Variants in ZNF613 observed in about 807,000 individuals in gnomAD.
ZNF613 encodes zinc finger protein 613.
Under a neutral mutation model 14.3 loss-of-function variants are expected in ZNF613, and 8 were observed. The ratio of observed to expected loss-of-function variants is 0.56; its 90% CI spans 0.33 to 1.01. The LOEUF is 1.01. ZNF613 is among the 50% of genes least tolerant of loss of function. The pLI is 0.03. For missense variants in ZNF613, 656 were observed against 741.9 expected, an observed-to-expected ratio of 0.88 and a Z score of 1.35; for synonymous variants, 228 against 254.5, an observed-to-expected ratio of 0.90 and a Z score of 0.99.
chr19:51,940,778 C>A, intron 5 of ZNF613, 69 bp downstream of exon 5: 2 of 1,350,306 alleles, frequency 1.5e-6, no homozygotes, highest in South Asian at 1.4e-5. Flanking sequence ...TCAGCAGTGT[C>A]TGAGCTGTCA....
chr19:51,945,027 A>G lies in ZNF613; in HGVS notation c.1144A>G (p.Ile382Val). The G allele has an allele frequency of 1.9e-6, 3 of 1,614,228 alleles. No homozygotes were observed. The highest frequency in any genetic ancestry group is 2.2e-5 in the South Asian group (2 of 91,086). Residue 382 changes from isoleucine to valine, a missense_variant, in exon 6 of 6, where the codon ATT becomes GTT. Physicochemically the swap from Ile to Val is conservative, Grantham distance 29. Transcript: ENST00000293471. ...YICRDCGKGF[I>V]QKGNLIVHQR... ...ATGCCGTGATTGTGGAAAAGGCTTC[A>G]TTCAGAAGGGAAATCTCATTGTACA... is the stretch of plus-strand genomic sequence containing the variant.
chr19:51,944,967 C>T lies in ZNF613; in HGVS notation c.1084C>T (p.His362Tyr). 6.2e-7 allele frequency: 1 copy of T among 1,614,144 alleles called. No individual in the cohort carries two copies. Among genetic ancestry groups the T allele is most frequent in the South Asian group, 1.1e-5 (1 of 91,082 alleles). ...CCGCTGGAAATCACAGCTCAATGCA[C>T]ATCAGAAAGCTCACACAGGAGAGAA... Reference protein sequence around the residue: ...AFRWKSQLNAHQKAHTGEKSY... With the variant: ...AFRWKSQLNAYQKAHTGEKSY... The change falls in exon 6 of 6, where the codon CAT becomes TAT. Residue 362 changes from histidine (H) to tyrosine (Y), a missense_variant. Coordinates refer to ENST00000293471, the MANE Select transcript of ZNF613 (RefSeq NM_001031721.4).
intron 5 of ZNF613, among the ~76,000 whole-genome samples, chr19:51,943,572 C>A (rs1325526702): frequency 1.3e-5 from 2 of 152,120 alleles, no homozygotes; most frequent in Non-Finnish European, 2.9e-5. Context: ...TGATGCTGGC[C>A]TATTGTTATA....
intron 5 of ZNF613, among the ~76,000 whole-genome samples, chr19:51,941,666 TTC>T (rs1425019005): frequency 6.6e-6 from 1 of 152,218 alleles, no homozygotes; most frequent in African/African-American, 2.4e-5. Context: ...TAAGTTCTTG[TTC>T]TCTATGGAGA....
At position 51,944,202 on chromosome 19, in the gene ZNF613, A is replaced by C; in HGVS notation, c.319A>C (p.Asn107His). 1 of 1,607,682 alleles carries C rather than the reference A, an allele frequency of 6.2e-7. No individual in the cohort carries two copies. Among genetic ancestry groups the C allele is most frequent in the Non-Finnish European group, 8.5e-7 (1 of 1,176,048 alleles). Residue 107 changes from asparagine (N) to histidine (H), a missense_variant, in exon 6 of 6, where the codon AAT becomes CAT. Asn to His is a moderately conservative substitution (Grantham distance 68). Coordinates refer to ENST00000293471, the MANE Select transcript of ZNF613 (RefSeq NM_001031721.4). ...LKRVEQCHKH[N>H]AFGNIIHQRK... ...GAGAGTGGAACAATGCCATAAACAT[A>C]ATGCATTTGGAAACATCATTCATCA... is the stretch of plus-strand genomic sequence containing the variant.
intron 3 of ZNF613, among the ~76,000 whole-genome samples, chr19:51,939,041 C>A (rs918945702): frequency 2.6e-5 from 4 of 151,454 alleles, no homozygotes; most frequent in Admixed American, 6.6e-5. Context: ...TAGTACCTTT[C>A]CATTATTGTA....
intron 2 of ZNF613, among the ~76,000 whole-genome samples, chr19:51,930,732 A>G (rs1022231399): frequency 2.6e-5 from 4 of 152,172 alleles, no homozygotes; most frequent in Non-Finnish European, 4.4e-5. Flanking sequence ...TATAAATAAT[A>G]TGCTATAAAC....
Position 51,940,061 on chromosome 19 carries a change from T to G in ZNF613, c.16-148T>G, listed in dbSNP as rs10411422. On this transcript the variant is annotated intron_variant, in intron 3 of 5. Coordinates refer to ENST00000293471, the MANE Select transcript of ZNF613 (RefSeq NM_001031721.4). Reference sequence around the variant, plus strand: ...TAGATTTTGGAGATGGATTTTTGCCTCTATGACAATGTATTTTTTTAAAAA... The same window carrying G: ...TAGATTTTGGAGATGGATTTTTGCCGCTATGACAATGTATTTTTTTAAAAA... The G allele has an allele frequency of 2.9e-3, 2,817 of 976,910 alleles. 54 individuals carry two copies. The African/African-American group carries it at 0.04, about 14-fold the overall frequency. The allele number at this position is 976,910 out of a possible 1,614,324, so 60.5% of individuals were successfully genotyped here.
chr19:51,936,315 CA>C, intron 3 of ZNF613, 80 bp downstream of exon 3: 1 of 1,440,266 alleles, frequency 6.9e-7, no homozygotes, highest in Non-Finnish European at 9.4e-7. Context: ...TGAATTAAGT[CA>C]AAAAGTATAA....
At chr19:51,928,846 C>T (rs1410160422) in intron 1 of ZNF613, among the ~76,000 whole-genome samples, 1 of 136,640 alleles carries the variant, frequency 7.3e-6, no homozygotes, top group African/African-American at 2.9e-5. Flanking sequence ...AGAGTGAGAC[C>T]CTGCCTCAAA....
chr19:51,932,750 A>C (rs986357115), intron 2 of ZNF613, among the ~76,000 whole-genome samples: 1 of 151,114 alleles, frequency 6.6e-6, no homozygotes, highest in Non-Finnish European at 1.5e-5. Flanking sequence ...CTCTTGGCTC[A>C]CTGCAAACTC....
intron 2 of ZNF613, among the ~76,000 whole-genome samples, chr19:51,933,116 G>C (rs2085279901): frequency 6.6e-6 from 1 of 152,206 alleles, no homozygotes; most frequent in East Asian, 1.9e-4. Flanking sequence ...GTAGACATCA[G>C]CCAGAAGGAA....
chr19:51,939,043 ATTATTGTATTTTCTC>A (rs2085327496), intron 3 of ZNF613, among the ~76,000 whole-genome samples: 1 of 151,536 alleles, frequency 6.6e-6, no homozygotes, highest in African/African-American at 2.4e-5. Flanking sequence ...GTACCTTTCC[ATTATTGTATTTTCTC>A]TTTCACAAAC....
chr19:51,931,460 A>C (rs1261974264), intron 2 of ZNF613, among the ~76,000 whole-genome samples: 1 of 152,156 alleles, frequency 6.6e-6, no homozygotes, highest in African/African-American at 2.4e-5. Flanking sequence ...CTCTTCTCTA[A>C]TATTGATTAT....
chr19:51,933,723 G>A (rs2085285055), intron 2 of ZNF613, among the ~76,000 whole-genome samples: 2 of 152,154 alleles, frequency 1.3e-5, no homozygotes, highest in South Asian at 4.1e-4. Context: ...CTGGGGAGGG[G>A]GTGGAGCAAA....
At position 51,946,551 on chromosome 19, in the gene ZNF613, C is replaced by T. The variant is rs148086226; in HGVS notation, c.*814C>T. 1 of 151,780 alleles carries T rather than the reference C, an allele frequency of 6.6e-6. No individual in the cohort carries two copies. The highest frequency in any genetic ancestry group is 2.4e-5 in the African/African-American group (1 of 41,150). 9.4% of individuals were successfully genotyped at this position (151,780 alleles called of 1,614,324 possible). A position where few individuals can be genotyped will look rare whatever the true frequency, so the allele number is the denominator to read the frequency against. On this transcript the variant is annotated 3_prime_UTR_variant, in exon 6 of 6. Transcript: ENST00000293471. ...ATGTATTTAATTTAATAATGTAACA[C>T]AACAAGTTTGGATGTGTTTAACTTT... is the stretch of plus-strand genomic sequence containing the variant.
Position 51,945,251 on chromosome 19 carries a change from T to G in ZNF613, c.1368T>G (p.Phe456Leu). 1 of 1,614,110 alleles carries G rather than the reference T, an allele frequency of 6.2e-7. No individual in the cohort carries two copies. Among genetic ancestry groups the G allele is most frequent in the Non-Finnish European group, 8.5e-7 (1 of 1,180,004 alleles). ...GATTTCACACAGGAAAGACACCCTTTGTATGTACTGAGTGTGGAAAATCCT... is the reference window on the plus strand; with the variant it reads ...GATTTCACACAGGAAAGACACCCTTGGTATGTACTGAGTGTGGAAAATCCT... ...HQRFHTGKTPFVCTECGKSCS... is the reference protein window; with the variant it reads ...HQRFHTGKTPLVCTECGKSCS... Residue 456 changes from phenylalanine to leucine, a missense_variant, in exon 6 of 6, where the codon TTT (phenylalanine) becomes TTG (leucine). Transcript: ENST00000293471.
intron 1 of ZNF613, among the ~76,000 whole-genome samples, chr19:51,928,773 T>C (rs1250269411): frequency 6.7e-6 from 1 of 150,290 alleles, no homozygotes; most frequent in East Asian, 2.0e-4. Context: ...GACGATCACG[T>C]GACCCCGGGA....
At chr19:51,938,045 C>T (rs1016411061) in intron 3 of ZNF613, among the ~76,000 whole-genome samples, 9 of 151,852 alleles carry the variant, frequency 5.9e-5, no homozygotes, top group Non-Finnish European at 1.2e-4. Context: ...ATATAAATGC[C>T]ATAAGCCCAG....
Sources: gnomAD v4.1 joint callset for allele counts (sites outside exome capture counted in the v4.1 genomes callset) on GRCh38, gnomAD v4.1.1 for gene constraint, MANE v1.5 for transcripts, NCBI Gene and HGNC (gene_info 2026-07-23, HGNC 2026-07-21) for gene names.